Variants in KCNMB2 observed in about 807,000 individuals in gnomAD.
KCNMB2 encodes the protein potassium calcium-activated channel subfamily M regulatory beta subunit 2.
Under a neutral mutation model 24.5 loss-of-function variants are expected in KCNMB2, and 9 were observed. The observed-to-expected ratio is 0.37, with a 90% CI of 0.22 to 0.64. The LOEUF (loss-of-function observed/expected upper bound fraction) is 0.64. KCNMB2 is among the 30% of genes least tolerant of loss of function. The pLI is 0.63. For missense variants in KCNMB2, 226 were observed against 284.3 expected (o/e 0.79, Z 1.47); for synonymous variants, 109 against 104.4 (o/e 1.04, Z -0.27).
intron 1 of KCNMB2, among the ~76,000 whole-genome samples, chr3:178,755,513 C>A (rs1025881871): frequency 1.3e-5 from 2 of 152,106 alleles, no homozygotes; most frequent in African/African-American, 2.4e-5. Flanking sequence ...CTCTGTGGGA[C>A]CATAGCCACC....
intron 1 of KCNMB2, among the ~76,000 whole-genome samples, chr3:178,648,432 G>C (rs1719995379): frequency 6.6e-6 from 1 of 152,138 alleles, no homozygotes; most frequent in Admixed American, 6.6e-5. Context: ...CCAACTACTT[G>C]TGAGCCTGAG....
intron 2 of KCNMB2, among the ~76,000 whole-genome samples, chr3:178,813,440 A>G (rs1487606929): frequency 6.6e-6 from 1 of 152,200 alleles, no homozygotes; most frequent in Non-Finnish European, 1.5e-5. Context: ...GCTGATGTGT[A>G]GAAATGCTAC....
chr3:178,746,866 C>T lies in KCNMB2; in HGVS notation c.-67-60477C>T, dbSNP rs1186582160. 6 of 152,492 alleles carry T rather than the reference C, an allele frequency of 3.9e-5. No homozygotes were observed. The East Asian group carries it at 1.2e-3, about 29-fold the overall frequency. 9.4% of individuals were successfully genotyped at this position (152,492 alleles called of 1,614,324 possible). A position where few individuals can be genotyped will look rare whatever the true frequency, so the allele number is the denominator to read the frequency against. On this transcript the variant is annotated intron_variant, in intron 1 of 4. Transcript: ENST00000452583. The stretch of plus-strand genomic sequence containing the variant: ...CCATCTGAGACCACCTCAGCCTGGA[C>T]CTTATTGTTCATATCACTATCAGCA...
chr3:178,617,473 G>A lies in KCNMB2; in HGVS notation c.-68+80762G>A, dbSNP rs373609950. 3.6e-4 allele frequency among the ~76,000 whole-genome samples: 55 copies of A among 152,054 alleles called. No individual in the cohort carries two copies. The East Asian group carries it at 8.3e-3, about 23-fold the overall frequency. ...CTCAGGAGGCTGAGGCAGGAGAATC[G>A]CTTGAACCCGGGAGGTGGAGGTTGC... is the stretch of plus-strand genomic sequence containing the variant. On this transcript the variant is annotated intron_variant, in intron 1 of 4. Coordinates refer to ENST00000452583, the MANE Select transcript of KCNMB2 (RefSeq NM_181361.3).
chr3:178,635,783 C>T (rs976715775), intron 1 of KCNMB2, among the ~76,000 whole-genome samples: 20 of 152,170 alleles, frequency 1.3e-4, no homozygotes, highest in Non-Finnish European at 5.9e-5. Flanking sequence ...TATATTTGGG[C>T]ATGAAATTAT....
intron 1 of KCNMB2, among the ~76,000 whole-genome samples, chr3:178,583,328 T>C (rs1359823128): frequency 6.6e-6 from 1 of 152,232 alleles, no homozygotes; most frequent in Non-Finnish European, 1.5e-5. Context: ...CAGATTATAC[T>C]AATCATTGGT....
chr3:178,617,889 TAAAAAAAAA>T (rs3052262), intron 1 of KCNMB2, among the ~76,000 whole-genome samples: 1 of 99,278 alleles, frequency 1.0e-5, no homozygotes, highest in Non-Finnish European at 2.0e-5. Flanking sequence ...AGACTCTGTC[TAAAAAAAAA>T]AAAAAAAAAA....
At chr3:178,817,781 T>C (rs980151978) in intron 2 of KCNMB2, among the ~76,000 whole-genome samples, 1 of 152,198 alleles carries the variant, frequency 6.6e-6, no homozygotes, top group African/African-American at 2.4e-5. Flanking sequence ...CCCTGATTTA[T>C]TTAGTTTTAA....
intron 1 of KCNMB2, among the ~76,000 whole-genome samples, chr3:178,791,899 A>T (rs1224345032): frequency 6.6e-6 from 1 of 152,142 alleles, no homozygotes; most frequent in African/African-American, 2.4e-5. Context: ...CCCAGCAAAA[A>T]TATCTTTTAA....
At chr3:178,791,105 C>T (rs1384576635) in intron 1 of KCNMB2, among the ~76,000 whole-genome samples, 2 of 152,172 alleles carry the variant, frequency 1.3e-5, no homozygotes, top group Non-Finnish European at 2.9e-5. Flanking sequence ...TCCAGGAAAA[C>T]ATGACCTCAC....
chr3:178,695,226 C>A (rs1721831787), intron 1 of KCNMB2, among the ~76,000 whole-genome samples: 1 of 152,246 alleles, frequency 6.6e-6, no homozygotes, highest in South Asian at 2.1e-4. Flanking sequence ...ATACAGGGAA[C>A]CAAGTCCCCA....
In KCNMB2 at chr3:178,612,549, T is replaced by C. The variant is rs1274095839; in HGVS notation, c.-68+75838T>C. 7.2e-5 allele frequency among the ~76,000 whole-genome samples: 11 copies of C among 152,204 alleles called. No homozygotes were observed. In the East Asian group the frequency reaches 2.1e-3, roughly 29 times the overall value. On this transcript the variant is annotated intron_variant, in intron 1 of 4. Coordinates refer to ENST00000452583, the MANE Select transcript of KCNMB2 (RefSeq NM_181361.3). ...AAATCTATTTTGGCTGAAAGAAGCA[T>C]AGTGACTCCTGCTCTTTTTTGTTTT...
intron 1 of KCNMB2, among the ~76,000 whole-genome samples, chr3:178,611,250 G>A (rs766683700): frequency 9.2e-5 from 14 of 152,042 alleles, no homozygotes; most frequent in Non-Finnish European, 1.5e-4. Context: ...TTCAGTTTAC[G>A]GGCATATAGT....
At chr3:178,759,669 T>TATACAC (rs1309741318) in intron 1 of KCNMB2, among the ~76,000 whole-genome samples, 10 of 103,794 alleles carry the variant, frequency 9.6e-5, no homozygotes, top group South Asian at 3.0e-4. Flanking sequence ...GAGGGATATA[T>TATACAC]ATATATATAT....
At chr3:178,646,500 G>T (rs975699835) in intron 1 of KCNMB2, among the ~76,000 whole-genome samples, 1 of 152,188 alleles carries the variant, frequency 6.6e-6, no homozygotes, top group Admixed American at 6.5e-5. Flanking sequence ...CTGACTTATA[G>T]GAAGATAAAA....
At chr3:178,727,936 A>G (rs1278675583) in intron 1 of KCNMB2, among the ~76,000 whole-genome samples, 2 of 152,222 alleles carry the variant, frequency 1.3e-5, no homozygotes, top group African/African-American at 4.8e-5. Context: ...TTCCACACAT[A>G]CTGCTAACAA....
intron 2 of KCNMB2, among the ~76,000 whole-genome samples, chr3:178,813,267 C>G (rs1714266889): frequency 6.6e-6 from 1 of 152,122 alleles, no homozygotes; most frequent in Admixed American, 6.6e-5. Flanking sequence ...GTCTCCACAT[C>G]CCGGAATATA....
At chr3:178,586,355 G>A (rs1198482628) in intron 1 of KCNMB2, among the ~76,000 whole-genome samples, 1 of 151,850 alleles carries the variant, frequency 6.6e-6, no homozygotes, top group Non-Finnish European at 1.5e-5. Context: ...AAGTAATTGT[G>A]GTAACAAATC....
intron 1 of KCNMB2, among the ~76,000 whole-genome samples, chr3:178,635,696 T>A (rs1719496402): frequency 6.6e-6 from 1 of 152,220 alleles, no homozygotes; most frequent in African/African-American, 2.4e-5. Context: ...CCTAAATTTA[T>A]ATTCAGGTAT....
Sources: gnomAD v4.1 joint callset for allele counts (sites outside exome capture counted in the v4.1 genomes callset) on GRCh38, gnomAD v4.1.1 for gene constraint, MANE v1.5 for transcripts, NCBI Gene and HGNC (gene_info 2026-07-23, HGNC 2026-07-21) for gene names.